Variants in DNAH1 observed in about 807,000 individuals in gnomAD.
The protein encoded by DNAH1 is axonemal beta dynein heavy chain 1.
A neutral mutation model predicts 484.3 loss-of-function variants in DNAH1; 327 were observed. The ratio of observed to expected loss-of-function variants is 0.68; its 90% CI spans 0.62 to 0.74. DNAH1 has a LOEUF of 0.74. Among genes scored for constraint, DNAH1 ranks in the 30% least tolerant of loss-of-function variants. The pLI is 0.00. For missense variants in DNAH1, 5,052 were observed against 5,546.8 expected (o/e 0.91, Z 2.83); for synonymous variants, 2,192 against 2,191.9 (o/e 1.00, Z 0.00).
chr3:52,360,504 G>A (rs150021212), intron 28 of DNAH1, 80 bp downstream of exon 28: 17 of 1,216,934 alleles, frequency 1.4e-5, no homozygotes, highest in Non-Finnish European at 1.9e-5. Context: ...AGGGACCATG[G>A]CCACTCTGGG....
intron 42 of DNAH1, 58 bp from the exon 43 acceptor site, chr3:52,372,169 C>A: frequency 6.2e-7 from 1 of 1,610,106 alleles, no homozygotes. Flanking sequence ...GATGCAGGGG[C>A]AGCTCCTCCT....
intron 14 of DNAH1, 142 bp from the exon 15 acceptor site, chr3:52,349,847 C>G (rs1213330986): frequency 2.4e-6 from 3 of 1,255,698 alleles, no homozygotes; most frequent in Middle Eastern, 2.6e-4. Context: ...CCAGGAGCAC[C>G]CCTCTTGGAA....
rs766824654 is a variant in DNAH1 at position 52,353,164 on chromosome 3, C to T, written c.3089C>T (p.Ala1030Val). 13 of 1,613,988 alleles carry T rather than the reference C, an allele frequency of 8.1e-6. No homozygotes were observed. Among genetic ancestry groups the T allele is most frequent in the East Asian group, 2.2e-5 (1 of 44,880 alleles). Residue 1030 changes from alanine to valine, a missense_variant, in exon 19 of 78, where the codon GCG becomes GTG. Physicochemically the swap from Ala to Val is moderately conservative, Grantham distance 64. This residue lies in a region of DNAH1 where 2,929 missense variants were observed against 3,409.4 expected (regional missense o/e 0.86). Coordinates refer to ENST00000420323, the MANE Select transcript of DNAH1 (RefSeq NM_015512.5). This position sits in a 1 kb window ranked among gnomAD's most constrained non-coding sequence, Gnocchi z 5.0. ...CCCTACCTGGACCTTTGGACCACAGCGTCTGACTGGCTGCGCTGGTCGGAG... is the reference window on the plus strand; with the variant it reads ...CCCTACCTGGACCTTTGGACCACAGTGTCTGACTGGCTGCGCTGGTCGGAG... Reference protein sequence around the residue: ...FQPYLDLWTTASDWLRWSESW... With the variant: ...FQPYLDLWTTVSDWLRWSESW...
chr3:52,312,937 C>T (rs770329360), upstream of DNAH1, among the ~76,000 whole-genome samples: 5 of 152,172 alleles, frequency 3.3e-5, no homozygotes, highest in Non-Finnish European at 7.3e-5. Flanking sequence ...CAAGTGTGAG[C>T]CAGCATGCCC....
In DNAH1 at chr3:52,372,077, C is replaced by G. The variant is rs377381540; in HGVS notation, c.6657C>G (p.Asn2219Lys). ...ATTTACTGGACATGCTGCTCACCAACAAGAAGCCCGTGAGCACCCCCCCAG... is the reference window on the plus strand; with the variant it reads ...ATTTACTGGACATGCTGCTCACCAAGAAGAAGCCCGTGAGCACCCCCCCAG... ...MSHLLDMLLTNKKPVLCIGPT... is the reference protein window; with the variant it reads ...MSHLLDMLLTKKKPVLCIGPT... Residue 2219 changes from asparagine (N) to lysine (K), a missense_variant, in exon 42 of 78, where the codon AAC (asparagine) becomes AAG (lysine). Asn to Lys is a moderately conservative substitution (Grantham distance 94). Coordinates refer to ENST00000420323, the MANE Select transcript of DNAH1 (RefSeq NM_015512.5). 3.7e-6 allele frequency: 6 copies of G among 1,613,494 alleles called. No homozygotes were observed. Among genetic ancestry groups the G allele is most frequent in the South Asian group, 1.1e-5 (1 of 91,082 alleles).
chr3:52,347,125 G>A (rs1007868246), intron 11 of DNAH1, among the ~76,000 whole-genome samples: 1 of 152,240 alleles, frequency 6.6e-6, no homozygotes, highest in East Asian at 1.9e-4. Context: ...GCCGGTTTTG[G>A]CAGGGGCCAT....
intron 10 of DNAH1, 104 bp from the exon 11 acceptor site, chr3:52,346,368 A>C: frequency 8.2e-7 from 1 of 1,212,468 alleles, no homozygotes; most frequent in Non-Finnish European, 1.1e-6. Context: ...CAGTCAGATG[A>C]GCCCTGAGCC....
intron 3 of DNAH1, 47 bp from the exon 4 acceptor site, chr3:52,326,093 G>T: frequency 6.9e-7 from 1 of 1,441,842 alleles, no homozygotes; most frequent in South Asian, 1.5e-5. Context: ...CTGGTTTTTG[G>T]GTGCTGGCCT....
Position 52,375,420 on chromosome 3 carries a change from A to G in DNAH1, c.7159+7A>G. 6.2e-7 allele frequency: 1 copy of G among 1,611,072 alleles called. No individual in the cohort carries two copies. Among genetic ancestry groups the G allele is most frequent in the Non-Finnish European group, 8.5e-7 (1 of 1,179,070 alleles). On this transcript the variant is annotated splice_region_variant and intron_variant, in intron 45 of 77. Coordinates refer to ENST00000420323, the MANE Select transcript of DNAH1 (RefSeq NM_015512.5). ...ATCCTGGGCAACTGGTTGGGTGAGT[A>G]TTGGTGGGGGTGAGCATGGACAAAG... is the stretch of plus-strand genomic sequence containing the variant.
intron 34 of DNAH1, among the ~76,000 whole-genome samples, chr3:52,366,185 A>G (rs1703065900): frequency 6.6e-6 from 1 of 152,192 alleles, no homozygotes; most frequent in Non-Finnish European, 1.5e-5. Context: ...CAAGCTGGTG[A>G]TGGCTGACCA....
chr3:52,345,796 G>A (rs1702119197), intron 10 of DNAH1, 90 bp downstream of exon 10: 1 of 1,323,416 alleles, frequency 7.6e-7, no homozygotes, highest in Admixed American at 2.1e-5. Context: ...GAAGGCCAGG[G>A]TCAGTGGGCC....
the DNAH1 span, among the ~76,000 whole-genome samples, chr3:52,311,191 G>T: frequency 6.6e-6 from 1 of 152,216 alleles, no homozygotes; most frequent in Non-Finnish European, 1.5e-5. Context: ...CACCAGGAGA[G>T]AAACAACTGT....
At chr3:52,387,532 G>C (rs1482594122) in intron 56 of DNAH1, among the ~76,000 whole-genome samples, 1 of 152,140 alleles carries the variant, frequency 6.6e-6, no homozygotes, top group African/African-American at 2.4e-5. Flanking sequence ...AGCAGCATCT[G>C]GACCCCTTAT....
Position 52,341,232 on chromosome 3 carries a change from T to C in DNAH1, c.1287-3258T>C, listed in dbSNP as rs112965410. ...TCAGGGCCCTGTCTGCAGTGTATGC[T>C]GGCTTCATCTTCAGGCGAGATGGCA... On this transcript the variant is annotated intron_variant, in intron 8 of 77. Coordinates refer to ENST00000420323, the MANE Select transcript of DNAH1 (RefSeq NM_015512.5). 3.2e-3 allele frequency among the ~76,000 whole-genome samples: 482 copies of C among 152,328 alleles called. 1 individual carries two copies. Among genetic ancestry groups the C allele is most frequent in the African/African-American group, 0.011 (465 of 41,582 alleles).
At chr3:52,376,875 G>A (rs573296626) in intron 46 of DNAH1, among the ~76,000 whole-genome samples, 26 of 152,046 alleles carry the variant, frequency 1.7e-4, no homozygotes, top group African/African-American at 4.8e-4. Context: ...CAGACCAGCG[G>A]TCAGCCCTTG....
intron 9 of DNAH1, 42 bp from the exon 10 acceptor site, chr3:52,345,453 C>T (rs1248845772): frequency 6.5e-7 from 1 of 1,533,716 alleles, no homozygotes; most frequent in Non-Finnish European, 8.8e-7. Context: ...CTGGTTTGGC[C>T]AGGCAGGGTC....
In DNAH1 at chr3:52,390,999, G is replaced by T. The variant is rs576837600; in HGVS notation, c.9686G>T (p.Arg3229Leu). 10 of 1,554,460 alleles carry T rather than the reference G, an allele frequency of 6.4e-6. No individual in the cohort carries two copies. In the African/African-American group the frequency reaches 1.1e-4, roughly 17 times the overall value. ...GGGGTCATCAACCAGTTTTCCCAGC[G>T]CTGGACCCACTTCATTGACCCTCAG... is the stretch of plus-strand genomic sequence containing the variant. ...ENGVINQFSQ[R>L]WTHFIDPQSQ... is the part of the protein sequence containing the mutation. Residue 3229 changes from arginine (R) to leucine (L), a missense_variant, in exon 61 of 78, where the codon CGC (arginine) becomes CTC (leucine). Arg to Leu is a moderately radical substitution (Grantham distance 102). Around this residue, in one of 4 missense-constraint regions of DNAH1, gnomAD observed 2,929 missense variants for 3,409.4 expected, o/e 0.86. Coordinates refer to ENST00000420323, the MANE Select transcript of DNAH1 (RefSeq NM_015512.5).
chr3:52,360,182 T>G, intron 27 of DNAH1, 103 bp downstream of exon 27: 1 of 1,552,762 alleles, frequency 6.4e-7, no homozygotes, highest in Non-Finnish European at 8.8e-7. Context: ...GTCCTTGAGG[T>G]TCTGGGACAA....
upstream of DNAH1, among the ~76,000 whole-genome samples, chr3:52,315,640 A>G (rs991330644): frequency 6.6e-6 from 1 of 152,214 alleles, no homozygotes; most frequent in Non-Finnish European, 1.5e-5. Flanking sequence ...CAACAAGGGT[A>G]AGGCTGACCT....
Sources: allele counts gnomAD v4.1 joint callset (sites outside exome capture counted in the v4.1 genomes callset), GRCh38; gene constraint gnomAD v4.1.1; regional missense constraint gnomAD v4.1.1; non-coding constraint Gnocchi (gnomAD v3.1); transcripts MANE v1.5; gene names NCBI Gene and HGNC (gene_info 2026-07-23, HGNC 2026-07-21).